The following KCNQ2 variants were observed in gnomAD, a reference collection of about 807,000 sequenced individuals.
KCNQ2 encodes potassium voltage-gated channel subfamily KQT member 2.
Under a neutral mutation model 84.8 loss-of-function variants are expected in KCNQ2, and 14 were observed. That is an observed-to-expected ratio of 0.17 (90% CI 0.11 to 0.26). The LOEUF is 0.26. KCNQ2 is among the 10% of genes least tolerant of loss of function. KCNQ2 has a pLI of 1.00. For synonymous variants in KCNQ2, 599 were observed against 554.1 expected, an observed-to-expected ratio of 1.08 and a Z score of -1.14; for missense variants, 788 against 1,254.0, an observed-to-expected ratio of 0.63 and a Z score of 5.61.
intron 15 of KCNQ2, chr20:63,413,246 T>C: frequency 1.6e-6 from 1 of 613,640 alleles, no homozygotes; most frequent in Non-Finnish European, 2.9e-6. Flanking sequence ...CACCGCGGTG[T>C]GGATGGGGGA....
intron 1 of KCNQ2, among the ~76,000 whole-genome samples, chr20:63,453,055 A>AC (rs1009602824): frequency 3.2e-4 from 49 of 151,560 alleles, no homozygotes; most frequent in Admixed American, 3.0e-3. Flanking sequence ...CCCACGCTGC[A>AC]CCCCTCCCCG....
rs1325390443 is a variant in KCNQ2, at chr20:63,460,685, G to A, written c.296+11483C>T. Among the ~76,000 whole-genome samples, 1 of 152,224 alleles carries A rather than the reference G, an allele frequency of 6.6e-6. No individual in the cohort carries two copies. Among genetic ancestry groups the A allele is most frequent in the Non-Finnish European group, 1.5e-5 (1 of 68,038 alleles). ...CTGCGTCCTCCCTCTCCCCTCACCAGCCTTCCTGGCCAGGGTGGCCTCATC... is the reference window on the plus strand; with the variant it reads ...CTGCGTCCTCCCTCTCCCCTCACCAACCTTCCTGGCCAGGGTGGCCTCATC... On this transcript the variant is annotated intron_variant, in intron 1 of 16. Transcript: ENST00000359125. This position sits in a 1 kb window ranked among gnomAD's most constrained non-coding sequence, Gnocchi z 5.4.
At chr20:63,410,996 C>CTT in intron 15 of KCNQ2, 1 of 456,418 alleles carries the variant, frequency 2.2e-6, no homozygotes, top group African/African-American at 2.0e-5. Context: ...CTTGGAAAGT[C>CTT]TGAGTTAATC....
At chr20:63,439,375 T>G (rs1321544205) in intron 6 of KCNQ2, among the ~76,000 whole-genome samples, 1 of 152,186 alleles carries the variant, frequency 6.6e-6, no homozygotes, top group African/African-American at 2.4e-5. Flanking sequence ...GCCGCAGCCT[T>G]GGGCATGCTC....
intron 1 of KCNQ2, among the ~76,000 whole-genome samples, chr20:63,458,393 C>G (rs1415943258): frequency 6.6e-6 from 1 of 152,186 alleles, no homozygotes; most frequent in Non-Finnish European, 1.5e-5. Flanking sequence ...CCCTGCTCCC[C>G]TCCTGCCCTC....
Position 63,460,236 on chromosome 20 carries a change from C to T in KCNQ2, c.296+11932G>A, listed in dbSNP as rs914736232. 3.3e-5 allele frequency among the ~76,000 whole-genome samples: 5 copies of T among 152,178 alleles called. No individual in the cohort carries two copies. The highest frequency in any genetic ancestry group is 7.4e-5 in the Non-Finnish European group (5 of 68,026). ...GGTCCCTCCCTGGCCTTACCCAAGC[C>T]CTTAGCAGCTTTGGGGAGCAAAGGC... On this transcript the variant is annotated intron_variant, in intron 1 of 16. Coordinates refer to ENST00000359125, the MANE Select transcript of KCNQ2 (RefSeq NM_172107.4). The surrounding 1 kb of genome is among the most constrained non-coding windows in gnomAD (Gnocchi z 5.4).
chr20:63,459,463 G>A (rs1274061245), intron 1 of KCNQ2: 1 of 152,256 alleles, frequency 6.6e-6, no homozygotes, highest in Non-Finnish European at 1.5e-5. Context: ...AGTGAGCTGT[G>A]ATTGAGACAC....
intron 1 of KCNQ2, among the ~76,000 whole-genome samples, chr20:63,457,777 C>T (rs941401525): frequency 6.6e-6 from 1 of 152,230 alleles, no homozygotes; most frequent in East Asian, 1.9e-4. Flanking sequence ...GCCTTCGCCC[C>T]GGCCCAGAAA....
intron 11 of KCNQ2, chr20:63,423,927 A>C: frequency 2.0e-6 from 1 of 509,398 alleles, no homozygotes; most frequent in Admixed American, 3.6e-5. Flanking sequence ...ACCCCCGAGA[A>C]GCCGCCCAGC....
At chr20:63,411,103 C>T in intron 15 of KCNQ2, 1 of 429,340 alleles carries the variant, frequency 2.3e-6, no homozygotes, top group South Asian at 1.6e-5. Context: ...ATCAAAAACA[C>T]TAATTAGGAT....
chr20:63,442,788 T>C (rs1197192800), intron 4 of KCNQ2, among the ~76,000 whole-genome samples: 10 of 62,936 alleles, frequency 1.6e-4, no homozygotes, highest in Non-Finnish European at 1.9e-4. Flanking sequence ...ACCACCACCA[T>C]CACCATTACC....
At position 63,407,733 on chromosome 20, in the gene KCNQ2, T is replaced by TG. The variant is rs1316157374; in HGVS notation, c.1888-359dup. Among the ~76,000 whole-genome samples, 2 of 72,918 alleles carry TG rather than the reference T, an allele frequency of 2.7e-5. No homozygotes were observed. The highest frequency in any genetic ancestry group is 3.3e-4 in the East Asian group (1 of 3,000). 47.8% of individuals were successfully genotyped at this position (72,918 alleles called of 152,430 possible). A position where few individuals can be genotyped will look rare whatever the true frequency, so the allele number is the denominator to read the frequency against. ...GTCGACTTGGGCTGGTCCCAGGAGG[T>TG]GGGGGGACCTGGGTTGCTCCCTGGA... On this transcript the variant is annotated intron_variant, in intron 16 of 16. Transcript: ENST00000359125. The surrounding 1 kb of genome is among the most constrained non-coding windows in gnomAD (Gnocchi z 7.2).
chr20:63,456,537 C>G (rs1175178447), intron 1 of KCNQ2, among the ~76,000 whole-genome samples: 1 of 152,182 alleles, frequency 6.6e-6, no homozygotes, highest in Non-Finnish European at 1.5e-5. Context: ...CTCACCGCCA[C>G]CCTCAGCCCC....
chr20:63,428,543 C>T lies in KCNQ2; in HGVS notation c.1149-108G>A, dbSNP rs1473796169. 7 of 962,568 alleles carry T rather than the reference C, an allele frequency of 7.3e-6. No individual in the cohort carries two copies. In the African/African-American group the frequency reaches 8.1e-5, roughly 11 times the overall value. 59.6% of individuals were successfully genotyped at this position (962,568 alleles called of 1,614,324 possible). ...GGCAGGCGCCTGCAGTGTCAGACAC[C>T]CGGCGGCATGTGACGTGGCCAGGCT... On this transcript the variant is annotated intron_variant, in intron 9 of 16. Coordinates refer to ENST00000359125, the MANE Select transcript of KCNQ2 (RefSeq NM_172107.4).
rs35430888 is a variant in KCNQ2, at chr20:63,428,399, C to T, written c.1185G>A (p.Arg395=). ...IPPLNQLELL[R]NLKSKSGLAF... ...CGAGTCCAGATTTACTCTTGAGGTT[C>T]CTCAGCAGCTCCAGCTGGTTCAGCG... The change falls in exon 10 of 17, where the codon AGG becomes AGA. Residue 395 remains arginine, a synonymous_variant. Transcript: ENST00000359125. The T allele has an allele frequency of 4.5e-4, 720 of 1,586,112 alleles. No homozygotes were observed. Among genetic ancestry groups the T allele is most frequent in the Admixed American group, 1.5e-3 (82 of 55,230 alleles).
intron 11 of KCNQ2, among the ~76,000 whole-genome samples, chr20:63,421,207 G>A (rs1249691095): frequency 1.3e-5 from 2 of 152,208 alleles, no homozygotes; most frequent in Admixed American, 1.3e-4. Flanking sequence ...TCCCGGGCCG[G>A]CCCTGCCGCC....
intron 1 of KCNQ2, among the ~76,000 whole-genome samples, chr20:63,453,163 G>A (rs870240): frequency 0.08 from 12,217 of 152,108 alleles, 786 homozygotes; most frequent in African/African-American, 0.15. Flanking sequence ...GCCCTGTGTC[G>A]GGCACCCCAG....
intron 9 of KCNQ2, among the ~76,000 whole-genome samples, chr20:63,428,755 G>A (rs899117946): frequency 6.6e-5 from 10 of 152,126 alleles, no homozygotes; most frequent in African/African-American, 9.7e-5. Flanking sequence ...GGAGGAGGGC[G>A]CGCAGGTAGG....
intron 10 of KCNQ2, among the ~76,000 whole-genome samples, chr20:63,427,521 T>G (rs545729797): frequency 5.9e-5 from 9 of 152,238 alleles, no homozygotes; most frequent in African/African-American, 2.2e-4. Flanking sequence ...GACGCCAGAG[T>G]CCAAAATCAA....
Sources: gnomAD v4.1 joint callset for allele counts (sites outside exome capture counted in the v4.1 genomes callset) on GRCh38, gnomAD v4.1.1 for gene constraint, Gnocchi (gnomAD v3.1) non-coding constraint, MANE v1.5 for transcripts, NCBI Gene and HGNC (gene_info 2026-07-23, HGNC 2026-07-21) for gene names.